The following SLC12A5 variants were observed in gnomAD, a reference collection of about 807,000 sequenced individuals.
SLC12A5 encodes the protein solute carrier family 12 member 5, also known as K-Cl cotransporter 2.
SLC12A5 carries 18 observed loss-of-function variants against 124.0 expected under a neutral mutation model. The observed-to-expected ratio is 0.15, with a 90% CI of 0.10 to 0.22. The LOEUF is 0.22. SLC12A5 is among the 10% of genes least tolerant of loss of function. The pLI, the probability that SLC12A5 is intolerant of heterozygous loss-of-function variation, is 1.00. For synonymous variants in SLC12A5, 589 were observed against 568.0 expected (o/e 1.04, Z -0.53); for missense variants, 867 against 1,478.7 (o/e 0.59, Z 6.78).
At position 46,036,823 on chromosome 20, in the gene SLC12A5, G is replaced by A. The variant is rs772711086; in HGVS notation, c.481+28G>A. ...AGGTGACTGGGGCTTTGTGGGGAGG[G>A]AGGATGGCTGGGTGGAAGGAGGGAT... On this transcript the variant is annotated intron_variant, in intron 5 of 25. Transcript: ENST00000243964. The A allele has an allele frequency of 5.9e-5, 95 of 1,613,606 alleles. No individual in the cohort carries two copies. In the Middle Eastern group the frequency reaches 2.6e-3, roughly 45 times the overall value.
intron 1 of SLC12A5, among the ~76,000 whole-genome samples, chr20:46,033,378 G>A (rs570245609): frequency 1.3e-5 from 2 of 152,264 alleles, no homozygotes; most frequent in East Asian, 3.9e-4. Context: ...CGGAATTGAG[G>A]AAGGGTCATG....
At position 46,053,763 on chromosome 20, in the gene SLC12A5, C is replaced by A; in HGVS notation, c.2679+54C>A. ...TCCACCTGGCCCTCTTTCCTCTTGG[C>A]CCCAGCACCAAGTAGGGCAACTCTA... On this transcript the variant is annotated intron_variant, in intron 20 of 25. Coordinates refer to ENST00000243964, the MANE Select transcript of SLC12A5 (RefSeq NM_020708.5). The surrounding 1 kb of genome is among the most constrained non-coding windows in gnomAD (Gnocchi z 4.7). The A allele has an allele frequency of 6.6e-7, 1 of 1,508,782 alleles. No homozygotes were observed. Among genetic ancestry groups the A allele is most frequent in the Admixed American group, 2.1e-5 (1 of 47,932 alleles). 93.5% of individuals were successfully genotyped at this position (1,508,782 alleles called of 1,614,324 possible).
At chr20:46,028,618 G>A (rs557119834), upstream of SLC12A5, among the ~76,000 whole-genome samples, 1 of 152,212 alleles carries the variant, frequency 6.6e-6, no homozygotes, top group East Asian at 1.9e-4. Flanking sequence ...TTAATTATGG[G>A]CCCTGGGCTC....
chr20:46,044,326 G>A (rs1235443784), intron 11 of SLC12A5, among the ~76,000 whole-genome samples: 1 of 152,096 alleles, frequency 6.6e-6, no homozygotes, highest in African/African-American at 2.4e-5. Flanking sequence ...TCTTCTTGGT[G>A]GGTCTATACT....
At chr20:46,028,837 G>A (rs1465255509), upstream of SLC12A5, among the ~76,000 whole-genome samples, 1 of 152,118 alleles carries the variant, frequency 6.6e-6, no homozygotes, top group African/African-American at 2.4e-5. Context: ...CTGCGGGGCC[G>A]CCTCCCCGCG....
chr20:46,043,485 G>A (rs1421546168), intron 9 of SLC12A5, 148 bp from the exon 10 acceptor site: 3 of 1,170,770 alleles, frequency 2.6e-6, no homozygotes, highest in Middle Eastern at 2.7e-4. Flanking sequence ...GCCAGGAGAA[G>A]CTAAGTAACA....
chr20:46,023,042 A>G (rs2084369650), exon 2 of SLC12A5: 3 of 402,422 alleles, frequency 7.5e-6, no homozygotes, highest in Non-Finnish European at 1.3e-5. Context: ...AAGCCTCCCC[A>G]GACCGCCAGG....
rs1191618736 is a variant in SLC12A5 at position 46,057,388 on chromosome 20, G to A, written c.3259+85G>A. On this transcript the variant is annotated intron_variant, in intron 25 of 25. Transcript: ENST00000243964. This position sits in a 1 kb window ranked among gnomAD's most constrained non-coding sequence, Gnocchi z 7.1. ...GTCCCTGGGATGGAAGAGCTGAGCT[G>A]TTCCTGCCTCCGGATCAGCACCTCG... The A allele has an allele frequency of 2.5e-6, 4 of 1,604,124 alleles. No individual in the cohort carries two copies. The East Asian group carries it at 6.7e-5, about 27-fold the overall frequency.
At chr20:46,048,811 T>C (rs1290391225) in intron 16 of SLC12A5, among the ~76,000 whole-genome samples, 1 of 150,618 alleles carries the variant, frequency 6.6e-6, no homozygotes, top group African/African-American at 2.4e-5. Flanking sequence ...GAGGTTATAG[T>C]GAGCCGAGAT....
chr20:46,032,591 G>T (rs1334161284), intron 1 of SLC12A5, among the ~76,000 whole-genome samples: 1 of 152,234 alleles, frequency 6.6e-6, no homozygotes, highest in Non-Finnish European at 1.5e-5. Flanking sequence ...AGCCCTATGA[G>T]TTAAGCTTGG....
In SLC12A5 at chr20:46,051,744, C is replaced by T. The variant is rs776365184; in HGVS notation, c.2251C>T (p.Arg751Cys). ...FCQVVISSNL[R>C]DGVSHLIQSG... ...CCAGGTGGTGATCTCCTCCAACTTG[C>T]GTGATGGCGTGTCCCATCTGATCCA... The change falls in exon 18 of 26, where the codon CGT becomes TGT. Residue 751 changes from arginine (R) to cysteine (C), a missense_variant. Around this residue, in one of 9 missense-constraint regions of SLC12A5, gnomAD observed 110 missense variants for 149.9 expected, o/e 0.73. Coordinates refer to ENST00000243964, the MANE Select transcript of SLC12A5 (RefSeq NM_020708.5). 7 of 1,610,878 alleles carry T rather than the reference C, an allele frequency of 4.3e-6. No individual in the cohort carries two copies. The highest frequency in any genetic ancestry group is 1.1e-5 in the South Asian group (1 of 90,550).
In SLC12A5 at chr20:46,057,372, A is replaced by G. The variant is rs1269392716; in HGVS notation, c.3259+69A>G. The stretch of plus-strand genomic sequence containing the variant: ...AGGGAATCTGGGTCCTGTCCCTGGG[A>G]TGGAAGAGCTGAGCTGTTCCTGCCT... On this transcript the variant is annotated intron_variant, in intron 25 of 25. Coordinates refer to ENST00000243964, the MANE Select transcript of SLC12A5 (RefSeq NM_020708.5). This position sits in a 1 kb window ranked among gnomAD's most constrained non-coding sequence, Gnocchi z 7.1. 6.2e-6 allele frequency: 10 copies of G among 1,610,530 alleles called. No individual in the cohort carries two copies. In the Admixed American group the frequency reaches 1.5e-4, roughly 24 times the overall value.
At chr20:46,021,773 G>A (rs1423123160), upstream of SLC12A5, 2 of 1,533,252 alleles carry the variant, frequency 1.3e-6, no homozygotes, top group Non-Finnish European at 1.7e-6. Context: ...GCCATGAGCC[G>A]CAGGTTCACG....
chr20:46,041,017 G>C (rs2084541096), intron 7 of SLC12A5: 4 of 409,932 alleles, frequency 9.8e-6, no homozygotes, highest in East Asian at 1.1e-4. Context: ...CAGGGTCCAG[G>C]GACTCAGATC....
intron 11 of SLC12A5, chr20:46,044,649 G>A (rs540052049): frequency 6.5e-5 from 23 of 356,196 alleles, no homozygotes; most frequent in African/African-American, 3.0e-4. Flanking sequence ...ACAACTGGCC[G>A]GGTGGTGTAG....
chr20:46,042,131 A>G (rs911057989), intron 8 of SLC12A5, among the ~76,000 whole-genome samples: 1 of 152,214 alleles, frequency 6.6e-6, no homozygotes, highest in Non-Finnish European at 1.5e-5. Context: ...TGACTGGGGC[A>G]TAAAGAGCAA....
chr20:46,031,925 C>T (rs927479224), intron 1 of SLC12A5, among the ~76,000 whole-genome samples: 1 of 152,248 alleles, frequency 6.6e-6, no homozygotes, highest in Non-Finnish European at 1.5e-5. Flanking sequence ...CCTTTGAGAA[C>T]TCGGAAGCTC....
Position 46,035,738 on chromosome 20 carries a change from G to A in SLC12A5, c.280-39G>A, listed in dbSNP as rs184512533. Reference sequence around the variant, plus strand: ...GGAGCACACCTGGGGTGTTCGTAATGATGAGGACTGCAGAGACTGATGCTG... The same window carrying A: ...GGAGCACACCTGGGGTGTTCGTAATAATGAGGACTGCAGAGACTGATGCTG... On this transcript the variant is annotated intron_variant, in intron 3 of 25. Transcript: ENST00000243964. 5.2e-5 allele frequency: 82 copies of A among 1,587,578 alleles called. 1 individual carries two copies. In the East Asian group the frequency reaches 1.8e-3, roughly 36 times the overall value.
intron 21 of SLC12A5, among the ~76,000 whole-genome samples, chr20:46,055,326 T>C (rs375250797): frequency 6.6e-6 from 1 of 152,070 alleles, no homozygotes. Flanking sequence ...GGATGATGAG[T>C]CCTTAGGGGT....
Sources: gnomAD v4.1 joint callset for allele counts (sites outside exome capture counted in the v4.1 genomes callset) on GRCh38, gnomAD v4.1.1 for gene constraint, gnomAD v4.1.1 regional missense constraint, Gnocchi (gnomAD v3.1) non-coding constraint, MANE v1.5 for transcripts, NCBI Gene and HGNC (gene_info 2026-07-23, HGNC 2026-07-21) for gene names.